CC2D2B: variants seen among roughly 807,000 people sequenced by gnomAD.
The protein encoded by CC2D2B is protein CC2D2B.
Under a neutral mutation model 161.2 loss-of-function variants are expected in CC2D2B, and 128 were observed. The observed-to-expected ratio is 0.79, with a 90% CI of 0.69 to 0.92. CC2D2B has a LOEUF of 0.92. Among genes scored for constraint, CC2D2B ranks in the 40% least tolerant of loss-of-function variants. The probability of loss-of-function intolerance (pLI) is 0.00; values close to 1 mark genes in which losing one functional copy is unlikely to be tolerated. For synonymous variants in CC2D2B, 391 were observed against 449.8 expected (o/e 0.87, Z 1.65); for missense variants, 1,173 against 1,375.1 (o/e 0.85, Z 2.32).
chr10:95,992,602 A>C lies in CC2D2B; in HGVS notation c.2547A>C (p.Lys849Asn). Reference protein sequence around the residue: ...KLKPQRKERKKVTAQAISDGD... With the variant: ...KLKPQRKERKNVTAQAISDGD... Reference sequence around the variant, plus strand: ...AACCTCAGAGGAAAGAAAGGAAAAAAGTCACAGCGCAGGCGATCTCTGACG... The same window carrying C: ...AACCTCAGAGGAAAGAAAGGAAAAACGTCACAGCGCAGGCGATCTCTGACG... The change falls in exon 22 of 35, where the codon AAA (lysine) becomes AAC (asparagine). Residue 849 changes from lysine (K) to asparagine (N), a missense_variant. By Grantham distance (94) the Lys-to-Asn change is moderately conservative. Coordinates refer to ENST00000646931, the MANE Select transcript of CC2D2B (RefSeq NM_001349008.3). 1.6e-6 allele frequency: 2 copies of C among 1,234,288 alleles called. No homozygotes were observed. Among genetic ancestry groups the C allele is most frequent in the Non-Finnish European group, 2.0e-6 (2 of 988,068 alleles). 76.5% of individuals were successfully genotyped at this position (1,234,288 alleles called of 1,614,324 possible). A position where few individuals can be genotyped will look rare whatever the true frequency, so the allele number is the denominator to read the frequency against.
At chr10:95,993,900 A>ATGTGTGTGTG (rs1270650458) in intron 22 of CC2D2B, among the ~76,000 whole-genome samples, 1 of 40,078 alleles carries the variant, frequency 2.5e-5, no homozygotes, top group Admixed American at 3.0e-4. Context: ...GAGAGAGAGA[A>ATGTGTGTGTG]TGTGTGTGTG....
At chr10:95,980,007 C>A (rs763048306) in intron 17 of CC2D2B, among the ~76,000 whole-genome samples, 5 of 152,212 alleles carry the variant, frequency 3.3e-5, no homozygotes, top group Non-Finnish European at 5.9e-5. Flanking sequence ...TCGCCTCTTT[C>A]TTGGGGCCAT....
upstream of CC2D2B, chr10:95,907,881 C>T (rs2098498776): frequency 6.6e-6 from 1 of 152,278 alleles, no homozygotes; most frequent in Admixed American, 6.5e-5. Context: ...CCCTCTGGGT[C>T]CTGGCAGGCC....
chr10:96,025,001 C>G, intron 33 of CC2D2B, 90 bp downstream of exon 33: 1 of 705,522 alleles, frequency 1.4e-6, no homozygotes, highest in South Asian at 1.9e-5. Flanking sequence ...GCAACAGAAA[C>G]ATGAAAAAGG....
At chr10:95,922,739 CAT>C (rs2098529926) in intron 3 of CC2D2B, among the ~76,000 whole-genome samples, 1 of 152,076 alleles carries the variant, frequency 6.6e-6, no homozygotes, top group East Asian at 1.9e-4. Flanking sequence ...TCTTTCATTC[CAT>C]CCAGCAACCG....
rs2079679349 is a variant in CC2D2B at position 96,025,180 on chromosome 10, TATATAA to T, written c.3947+271_3947+276del. Among the ~76,000 whole-genome samples the T allele has an allele frequency of 1.0e-3, 12 of 11,950 alleles. 2 individuals carry two copies. The highest frequency in any genetic ancestry group is 2.7e-3 in the African/African-American group (10 of 3,748). The allele number at this position is 11,950 out of a possible 152,430, so 7.8% of individuals were successfully genotyped here. ...ATATATATATATATATATATATATA[TATATAA>T]AAAAAAATATATATATATATATATA... is the stretch of plus-strand genomic sequence containing the variant. On this transcript the variant is annotated intron_variant, in intron 33 of 34. Transcript: ENST00000646931.
chr10:95,937,866 C>A (rs1282294791), intron 6 of CC2D2B, 125 bp from the exon 7 acceptor site: 2 of 629,142 alleles, frequency 3.2e-6, no homozygotes, highest in African/African-American at 1.9e-5. Context: ...TCAACTGGAA[C>A]TTGTTCTGTG....
intron 13 of CC2D2B, 96 bp downstream of exon 13, chr10:95,966,094 C>A: frequency 1.4e-6 from 1 of 702,034 alleles, no homozygotes; most frequent in Non-Finnish European, 2.0e-6. Flanking sequence ...AGTTATCCAA[C>A]AAACTGACAA....
intron 22 of CC2D2B, among the ~76,000 whole-genome samples, chr10:95,994,307 C>T (rs987445190): frequency 7.2e-5 from 11 of 152,040 alleles, no homozygotes; most frequent in African/African-American, 2.7e-4. Flanking sequence ...GGGAAGGCAG[C>T]ATACATCAGT....
chr10:95,962,758 C>T (rs1286150195), intron 12 of CC2D2B, among the ~76,000 whole-genome samples: 2 of 142,472 alleles, frequency 1.4e-5, no homozygotes, highest in Non-Finnish European at 3.1e-5. Context: ...TTTCTTGCTG[C>T]AGTAGTTTTT....
rs1362541350 is a variant in CC2D2B at position 96,019,238 on chromosome 10, T to C, written c.3666T>C (p.Asn1222=). The C allele has an allele frequency of 6.2e-7, 1 of 1,612,130 alleles. No individual in the cohort carries two copies. ...CTTATGTAGTAACTCAAGAAACTAATGAATATTTGCTTTGGAATCCATCAA... is the reference window on the plus strand; with the variant it reads ...CTTATGTAGTAACTCAAGAAACTAACGAATATTTGCTTTGGAATCCATCAA... ...HVAYVVTQET[N]EYLLWNPSTG... The change falls in exon 31 of 35, where the codon AAT becomes AAC. Residue 1222 remains asparagine, a synonymous_variant. Transcript: ENST00000646931.
intron 26 of CC2D2B, among the ~76,000 whole-genome samples, chr10:96,010,990 T>G (rs1158507352): frequency 2.0e-5 from 3 of 152,212 alleles, no homozygotes; most frequent in African/African-American, 7.2e-5. Flanking sequence ...CCTTGTTTAT[T>G]AATGGCACGA....
chr10:95,968,824 C>T lies in CC2D2B; in HGVS notation c.1567C>T (p.Gln523Ter), dbSNP rs768789692. The change falls in exon 15 of 35, where the codon CAG becomes TAG. Residue 523 changes from glutamine (Q) to a stop codon, truncating the protein, a stop_gained. Transcript: ENST00000646931. LOFTEE classifies it high-confidence loss of function. ...TTCTTGTACTTCAGTATCTCCCCTA[C>T]AGTTTGATTTTAAAGTCATGTTTCA... is the stretch of plus-strand genomic sequence containing the variant. ...QVSCTSVSPL[Q>*]FDFKVMFQQI... The T allele has an allele frequency of 2.1e-5, 26 of 1,213,384 alleles. No homozygotes were observed. The highest frequency in any genetic ancestry group is 2.6e-5 in the Non-Finnish European group (25 of 971,004). The allele number at this position is 1,213,384 out of a possible 1,614,324, so 75.2% of individuals were successfully genotyped here.
chr10:96,000,333 T>TA lies in CC2D2B; in HGVS notation c.2850-3817dup, dbSNP rs1564656835. On this transcript the variant is annotated intron_variant, in intron 24 of 34. Coordinates refer to ENST00000646931, the MANE Select transcript of CC2D2B (RefSeq NM_001349008.3). Reference sequence around the variant, plus strand: ...TGTTTCGTCTGTCTTTATTTATTTATAATAAATAAATAAATAAATAAATAA... The same window carrying TA: ...TGTTTCGTCTGTCTTTATTTATTTATAAATAAATAAATAAATAAATAAATAA... 36 of 241,578 alleles carry TA rather than the reference T, an allele frequency of 1.5e-4. 1 individual carries two copies. The highest frequency in any genetic ancestry group is 6.3e-4 in the African/African-American group (27 of 42,882). The allele number at this position is 241,578 out of a possible 1,614,324, so 15.0% of individuals were successfully genotyped here.
At chr10:95,914,203 C>T (rs1233713807) in intron 2 of CC2D2B, among the ~76,000 whole-genome samples, 2 of 152,116 alleles carry the variant, frequency 1.3e-5, no homozygotes, top group Non-Finnish European at 2.9e-5. Context: ...TCCCAGCCCC[C>T]TTTATTAAAG....
intron 2 of CC2D2B, among the ~76,000 whole-genome samples, chr10:95,911,766 A>T (rs1418863326): frequency 6.6e-6 from 1 of 152,212 alleles, no homozygotes; most frequent in Non-Finnish European, 1.5e-5. Flanking sequence ...ATGAGAACTT[A>T]TGAAAAAGTA....
At position 96,009,821 on chromosome 10, in the gene CC2D2B, ATAGGAT is replaced by A. The variant is rs2078910995; in HGVS notation, c.2947-3_2949del. 1 of 1,456,708 alleles carries A rather than the reference ATAGGAT, an allele frequency of 6.9e-7. No homozygotes were observed. The highest frequency in any genetic ancestry group is 1.4e-5 in the African/African-American group (1 of 70,814). 90.2% of individuals were successfully genotyped at this position (1,456,708 alleles called of 1,614,324 possible). A position where few individuals can be genotyped will look rare whatever the true frequency, so the allele number is the denominator to read the frequency against. The stretch of plus-strand genomic sequence containing the variant: ...AAGTAATAAAAAATTATTTATTTTC[ATAGGAT>A]CACTGTCTCAAGAGCTGTAGTGGTC... On this transcript the variant is annotated splice_acceptor_variant and splice_polypyrimidine_tract_variant and coding_sequence_variant and intron_variant, in exon 26 of 35. Transcript: ENST00000646931. LOFTEE classifies it high-confidence loss of function.
At chr10:95,944,258 T>A (rs1159811986) in intron 9 of CC2D2B, among the ~76,000 whole-genome samples, 1 of 152,172 alleles carries the variant, frequency 6.6e-6, no homozygotes, top group African/African-American at 2.4e-5. Context: ...CATGAGAGAC[T>A]AGCAATGTCT....
At chr10:95,966,542 C>T (rs934546637) in intron 14 of CC2D2B, among the ~76,000 whole-genome samples, 2 of 151,974 alleles carry the variant, frequency 1.3e-5, no homozygotes, top group African/African-American at 4.8e-5. Context: ...CTAATACATG[C>T]CTGAGGTGGG....
Sources: allele counts gnomAD v4.1 joint callset (sites outside exome capture counted in the v4.1 genomes callset), GRCh38; gene constraint gnomAD v4.1.1; transcripts MANE v1.5; gene names NCBI Gene and HGNC (gene_info 2026-07-23, HGNC 2026-07-21).